The following CTNNA2 variants were observed in gnomAD, a reference collection of about 807,000 sequenced individuals.
CTNNA2 encodes the protein catenin alpha 2, also known as catenin alpha-2.
In CTNNA2, 42 loss-of-function variants were observed where a neutral mutation model predicts 101.0. The observed-to-expected ratio is 0.42, with a 90% CI of 0.32 to 0.54. The LOEUF is 0.54. Among genes scored for constraint, CTNNA2 ranks in the 20% least tolerant of loss-of-function variants. The pLI is 0.14. For missense variants in CTNNA2, 871 were observed against 1,223.1 expected, an observed-to-expected ratio of 0.71 and a Z score of 4.29; for synonymous variants, 450 against 456.4, an observed-to-expected ratio of 0.99 and a Z score of 0.18.
intron 3 of CTNNA2, among the ~76,000 whole-genome samples, chr2:79,352,140 CGTT>C (rs929632978): frequency 1.1e-4 from 17 of 152,036 alleles, no homozygotes; most frequent in African/African-American, 3.1e-4. Context: ...GATGATATCT[CGTT>C]GTTTTTATTT....
chr2:79,828,720 A>T (rs1213396769), intron 3 of CTNNA2, among the ~76,000 whole-genome samples: 1 of 152,204 alleles, frequency 6.6e-6, no homozygotes, highest in African/African-American at 2.4e-5. Context: ...TATCTGCCAC[A>T]TATTAGCTCT....
At chr2:80,106,915 A>C (rs1030007672) in intron 7 of CTNNA2, among the ~76,000 whole-genome samples, 1 of 152,112 alleles carries the variant, frequency 6.6e-6, no homozygotes, top group African/African-American at 2.4e-5. Context: ...GGCAGGGAAA[A>C]GTTACTTCTC....
chr2:79,695,650 T>C (rs918009958), intron 2 of CTNNA2, among the ~76,000 whole-genome samples: 4 of 151,984 alleles, frequency 2.6e-5, no homozygotes, highest in African/African-American at 9.7e-5. Context: ...TTACTGTGTG[T>C]TCTCCATAGA....
chr2:79,974,339 G>A (rs1411078285), intron 7 of CTNNA2, among the ~76,000 whole-genome samples: 1 of 152,112 alleles, frequency 6.6e-6, no homozygotes, highest in East Asian at 1.9e-4. Context: ...AAGCAAATGG[G>A]TTTATGTGGA....
At chr2:80,531,708 C>A (rs1332464267) in intron 9 of CTNNA2, among the ~76,000 whole-genome samples, 1 of 152,230 alleles carries the variant, frequency 6.6e-6, no homozygotes, top group East Asian at 1.9e-4. Context: ...TTTAAGGAGA[C>A]CTGGGAGGGG....
chr2:79,192,715 G>A (rs1438737926), intron 1 of CTNNA2, among the ~76,000 whole-genome samples: 7 of 152,128 alleles, frequency 4.6e-5, no homozygotes. Context: ...GACAGATGCT[G>A]TGCTTTTCTT....
chr2:79,849,315 A>T (rs1207399025), intron 3 of CTNNA2, among the ~76,000 whole-genome samples: 1 of 150,684 alleles, frequency 6.6e-6, no homozygotes, highest in Non-Finnish European at 1.5e-5. Context: ...TAATAAGCAG[A>T]TAAGGCTTTC....
chr2:80,245,233 T>G, intron 7 of CTNNA2, among the ~76,000 whole-genome samples: 1 of 152,224 alleles, frequency 6.6e-6, no homozygotes, highest in East Asian at 1.9e-4. Flanking sequence ...CTTTGCAAAT[T>G]CTTTGTCAGT....
At chr2:80,592,297 T>C (rs1380469594) in intron 15 of CTNNA2, among the ~76,000 whole-genome samples, 2 of 152,150 alleles carry the variant, frequency 1.3e-5, no homozygotes, top group East Asian at 3.9e-4. Flanking sequence ...GGTCTTTCAG[T>C]TCCAATTCTC....
At chr2:79,455,960 G>C (rs1476454713) in intron 4 of CTNNA2, among the ~76,000 whole-genome samples, 2 of 151,864 alleles carry the variant, frequency 1.3e-5, no homozygotes, top group Non-Finnish European at 1.5e-5. Flanking sequence ...ATCTTACAAA[G>C]GTTGAGAGTA....
intron 1 of CTNNA2, among the ~76,000 whole-genome samples, chr2:79,626,277 C>T (rs1172300192): frequency 6.6e-6 from 1 of 152,008 alleles, no homozygotes. Flanking sequence ...GAGCAGTGGT[C>T]CCAGAACAGA....
rs1245962200 is a variant in CTNNA2, at chr2:79,858,121, G to A, written c.407G>A (p.Arg136His). The change falls in exon 4 of 19, where the codon CGC (arginine) becomes CAC (histidine). Residue 136 changes from arginine (R) to histidine (H), a missense_variant. Physicochemically the swap from Arg to His is conservative, Grantham distance 29. Transcript: ENST00000402739. ...AARALLSAVTRLLILADMADV... is the reference protein window; with the variant it reads ...AARALLSAVTHLLILADMADV... The stretch of plus-strand genomic sequence containing the variant: ...AGGGCTTTGCTCTCCGCGGTGACAC[G>A]CTTACTCATCCTGGCGGACATGGCA... 11 of 1,613,968 alleles carry A rather than the reference G, an allele frequency of 6.8e-6. No homozygotes were observed. Among genetic ancestry groups the A allele is most frequent in the Middle Eastern group, 3.3e-4 (2 of 6,062 alleles).
At chr2:79,712,504 T>G (rs890238880) in intron 2 of CTNNA2, among the ~76,000 whole-genome samples, 1 of 152,162 alleles carries the variant, frequency 6.6e-6, no homozygotes, top group African/African-American at 2.4e-5. Flanking sequence ...TCAATTAATA[T>G]TATTATCTAA....
At chr2:79,468,525 G>A (rs1002495500) in intron 4 of CTNNA2, among the ~76,000 whole-genome samples, 4 of 152,020 alleles carry the variant, frequency 2.6e-5, no homozygotes, top group African/African-American at 7.3e-5. Context: ...TGCACCAAGT[G>A]GACCTAATAG....
At chr2:79,415,053 T>C (rs12623875) in intron 4 of CTNNA2, among the ~76,000 whole-genome samples, 44,277 of 152,142 alleles carry the variant, frequency 0.29, 6,596 homozygotes, top group South Asian at 0.43. Context: ...TGTTGTGGTT[T>C]AGATGTGTGT....
chr2:80,531,437 G>A (rs1334913112), intron 9 of CTNNA2, among the ~76,000 whole-genome samples: 4 of 152,202 alleles, frequency 2.6e-5, no homozygotes, highest in African/African-American at 7.2e-5. Context: ...ATGAAAGGCT[G>A]CACAATTGGC....
intron 8 of CTNNA2, among the ~76,000 whole-genome samples, chr2:80,401,880 C>T (rs1241215992): frequency 2.0e-5 from 3 of 152,084 alleles, no homozygotes; most frequent in Non-Finnish European, 4.4e-5. Flanking sequence ...TATGATTTTC[C>T]CTCACTGACT....
At chr2:79,370,754 A>C (rs998853353) in intron 3 of CTNNA2, among the ~76,000 whole-genome samples, 1 of 152,024 alleles carries the variant, frequency 6.6e-6, no homozygotes, top group Non-Finnish European at 1.5e-5. Context: ...GAGCTCTCAT[A>C]CCTCCAGGTT....
At chr2:79,409,223 C>G (rs532051591) in intron 4 of CTNNA2, among the ~76,000 whole-genome samples, 2 of 152,076 alleles carry the variant, frequency 1.3e-5, no homozygotes, top group Non-Finnish European at 2.9e-5. Context: ...GAGTAGATTG[C>G]GAAAATTTTC....
Sources: gnomAD v4.1 joint callset for allele counts (sites outside exome capture counted in the v4.1 genomes callset) on GRCh38, gnomAD v4.1.1 for gene constraint, MANE v1.5 for transcripts, NCBI Gene and HGNC (gene_info 2026-07-23, HGNC 2026-07-21) for gene names.